Variants in THAP4 observed in about 807,000 individuals in gnomAD.
The protein encoded by THAP4 is THAP domain containing 4.
THAP4 carries 18 observed loss-of-function variants against 48.1 expected under a neutral mutation model. The ratio of observed to expected loss-of-function variants is 0.37; its 90% CI spans 0.26 to 0.56. The LOEUF (loss-of-function observed/expected upper bound fraction) is 0.56, where lower values mean the gene tolerates loss of function less well. THAP4 is among the 20% of genes least tolerant of loss of function. The pLI is 0.78. For synonymous variants in THAP4, 345 were observed against 324.9 expected (o/e 1.06, Z -0.66); for missense variants, 656 against 774.9 (o/e 0.85, Z 1.82).
chr2:241,623,785 A>C (rs1009421421), intron 2 of THAP4, among the ~76,000 whole-genome samples: 2 of 152,122 alleles, frequency 1.3e-5, no homozygotes, highest in South Asian at 4.1e-4. Context: ...ACCAAAACTC[A>C]CACAAGAAGA....
Position 241,631,554 on chromosome 2 carries a change from C to T in THAP4, c.1240+1363G>A, listed in dbSNP as rs1331879084. Among the ~76,000 whole-genome samples, 3 of 152,208 alleles carry T rather than the reference C, an allele frequency of 2.0e-5. No homozygotes were observed. The South Asian group carries it at 6.2e-4, about 31-fold the overall frequency. ...AATCACAGCTCACTACAGCCTCGAC[C>T]TCCCAGGCTCAAGCTATCCTTCTGC... On this transcript the variant is annotated intron_variant, in intron 2 of 5. Coordinates refer to ENST00000407315, the MANE Select transcript of THAP4 (RefSeq NM_015963.6).
chr2:241,632,255 G>A (rs2067574072), intron 2 of THAP4, among the ~76,000 whole-genome samples: 1 of 152,102 alleles, frequency 6.6e-6, no homozygotes, highest in Non-Finnish European at 1.5e-5. Flanking sequence ...ACCATGTGCA[G>A]CTAGTTTTTG....
In THAP4 at chr2:241,601,049, C is replaced by T. The variant is rs1300892561; in HGVS notation, c.1614+847G>A. On this transcript the variant is annotated intron_variant, in intron 5 of 5. Coordinates refer to ENST00000407315, the MANE Select transcript of THAP4 (RefSeq NM_015963.6). The surrounding 1 kb of genome is among the most constrained non-coding windows in gnomAD (Gnocchi z 4.0). ...ATCCCAGCACTTTGGGAGGCTGAGG[C>T]GGGTGGATCACCTGAAGTCAGGAAT... Among the ~76,000 whole-genome samples the T allele has an allele frequency of 3.3e-5, 5 of 152,060 alleles. No individual in the cohort carries two copies. The highest frequency in any genetic ancestry group is 5.9e-5 in the Non-Finnish European group (4 of 67,994).
intron 2 of THAP4, among the ~76,000 whole-genome samples, chr2:241,625,481 C>CAAAAAAA (rs67920958): frequency 3.4e-5 from 3 of 88,420 alleles, no homozygotes; most frequent in Non-Finnish European, 6.8e-5. Context: ...GACACTGTCT[C>CAAAAAAA]AAAAAAAAAA....
chr2:241,610,330 GC>G lies in THAP4; in HGVS notation c.1241-3858del, dbSNP rs2067251622. Among the ~76,000 whole-genome samples, 1 of 152,106 alleles carries G rather than the reference GC, an allele frequency of 6.6e-6. No homozygotes were observed. The highest frequency in any genetic ancestry group is 6.5e-5 in the Admixed American group (1 of 15,280). The stretch of plus-strand genomic sequence containing the variant: ...GCGCCGCATCTCCGCCCTCTCTTGC[GC>G]CTGCGGGACCGGGAGGGCCGCGCTC... On this transcript the variant is annotated intron_variant, in intron 2 of 5. Coordinates refer to ENST00000407315, the MANE Select transcript of THAP4 (RefSeq NM_015963.6). The surrounding 1 kb of genome is among the most constrained non-coding windows in gnomAD (Gnocchi z 4.2).
intron 2 of THAP4, among the ~76,000 whole-genome samples, chr2:241,631,823 A>G (rs1461088646): frequency 1.3e-5 from 2 of 152,130 alleles, no homozygotes; most frequent in Non-Finnish European, 2.9e-5. Context: ...ATGACAAACA[A>G]TAATTTTTTT....
At chr2:241,617,270 A>C (rs910314317) in intron 2 of THAP4, 10 of 659,040 alleles carry the variant, frequency 1.5e-5, no homozygotes, top group Non-Finnish European at 2.7e-5. Context: ...AATAAACCAG[A>C]CAGGCTTTTC....
At chr2:241,627,971 C>G (rs1056588728) in intron 2 of THAP4, among the ~76,000 whole-genome samples, 1 of 152,120 alleles carries the variant, frequency 6.6e-6, no homozygotes. Context: ...TGGCTCCTGT[C>G]TACTTGCCTC....
chr2:241,633,232 G>C lies in THAP4; in HGVS notation c.925C>G (p.Pro309Ala). ...TGCACGGCTTCCGTGGCTGGCTTTG[G>C]GGTGACGTCGGCAGGAGGGGCAGAG... Reference protein sequence around the residue: ...SPSAPPADVTPKPATEAVQSE... With the variant: ...SPSAPPADVTAKPATEAVQSE... The change falls in exon 2 of 6, where the codon CCA becomes GCA. Residue 309 changes from proline to alanine, a missense_variant. By Grantham distance (27) the Pro-to-Ala change is conservative. This residue lies in a region of THAP4 where 391 missense variants were observed against 412.4 expected (regional missense o/e 0.95). Coordinates refer to ENST00000407315, the MANE Select transcript of THAP4 (RefSeq NM_015963.6). This position sits in a 1 kb window ranked among gnomAD's most constrained non-coding sequence, Gnocchi z 7.5. 6.2e-7 allele frequency: 1 copy of C among 1,609,636 alleles called. No individual in the cohort carries two copies. The highest frequency in any genetic ancestry group is 8.5e-7 in the Non-Finnish European group (1 of 1,177,918).
At position 241,622,346 on chromosome 2, in the gene THAP4, G is replaced by A. The variant is rs372722665; in HGVS notation, c.1240+10571C>T. Reference sequence around the variant, plus strand: ...TCACGCCACTGCACCCCAGCCTGGCGACAGAGCAAGGCTCTGTCTCAAACA... The same window carrying A: ...TCACGCCACTGCACCCCAGCCTGGCAACAGAGCAAGGCTCTGTCTCAAACA... On this transcript the variant is annotated intron_variant, in intron 2 of 5. Coordinates refer to ENST00000407315, the MANE Select transcript of THAP4 (RefSeq NM_015963.6). Among the ~76,000 whole-genome samples, 4 of 152,066 alleles carry A rather than the reference G, an allele frequency of 2.6e-5. No homozygotes were observed. The South Asian group carries it at 6.2e-4, about 24-fold the overall frequency.
intron 5 of THAP4, among the ~76,000 whole-genome samples, chr2:241,593,072 C>T (rs2067005541): frequency 6.6e-6 from 1 of 152,004 alleles, no homozygotes; most frequent in Non-Finnish European, 1.5e-5. Flanking sequence ...GTGAGTCCCC[C>T]ATCTCTATTA....
At chr2:241,598,969 T>G (rs562667596) in intron 5 of THAP4, among the ~76,000 whole-genome samples, 12 of 151,284 alleles carry the variant, frequency 7.9e-5, no homozygotes, top group Admixed American at 2.0e-4. Flanking sequence ...AAAAAGGCTA[T>G]CCGGCTGGGC....
chr2:241,590,869 A>C, intron 5 of THAP4, among the ~76,000 whole-genome samples: 1 of 147,288 alleles, frequency 6.8e-6, no homozygotes, highest in African/African-American at 2.5e-5. Context: ...GGACACACAG[A>C]ACTGCCCGGC....
In THAP4 at chr2:241,600,245, T is replaced by C. The variant is rs145087108; in HGVS notation, c.1614+1651A>G. ...AAACAGACCCCTATATTTATGTGGA[T>C]GTGCTTTAATGTATGTATGACATTC... On this transcript the variant is annotated intron_variant, in intron 5 of 5. Coordinates refer to ENST00000407315, the MANE Select transcript of THAP4 (RefSeq NM_015963.6). Among the ~76,000 whole-genome samples, 50 of 152,232 alleles carry C rather than the reference T, an allele frequency of 3.3e-4. No homozygotes were observed. The East Asian group carries it at 8.1e-3, about 25-fold the overall frequency.
rs549868149 is a variant in THAP4 at position 241,619,739 on chromosome 2, G to A, written c.1240+13178C>T. Among the ~76,000 whole-genome samples, 6 of 142,898 alleles carry A rather than the reference G, an allele frequency of 4.2e-5. No individual in the cohort carries two copies. In the South Asian group the frequency reaches 1.4e-3, roughly 32 times the overall value. The allele number at this position is 142,898 out of a possible 152,430, so 93.7% of individuals were successfully genotyped here. Reference sequence around the variant, plus strand: ...GGGTGAGTGAGTCGGTGAGGGGTGAGTGAGGGGTGAGTGAGTTGGTGAGTG... The same window carrying A: ...GGGTGAGTGAGTCGGTGAGGGGTGAATGAGGGGTGAGTGAGTTGGTGAGTG... On this transcript the variant is annotated intron_variant, in intron 2 of 5. Coordinates refer to ENST00000407315, the MANE Select transcript of THAP4 (RefSeq NM_015963.6).
At chr2:241,595,941 A>G (rs1291987812) in intron 5 of THAP4, among the ~76,000 whole-genome samples, 1 of 152,190 alleles carries the variant, frequency 6.6e-6, no homozygotes, top group East Asian at 1.9e-4. Context: ...TGTCGCTACA[A>G]TGCGATGCTG....
chr2:241,602,905 CCT>C (rs1212337715), intron 4 of THAP4, 63 bp downstream of exon 4: 2 of 1,266,904 alleles, frequency 1.6e-6, no homozygotes, highest in East Asian at 2.3e-5. Flanking sequence ...TCCCTGCACC[CCT>C]GCTTCGAATG....
chr2:241,636,313 G>C (rs1398087457), intron 1 of THAP4, among the ~76,000 whole-genome samples: 1 of 152,226 alleles, frequency 6.6e-6, no homozygotes, highest in African/African-American at 2.4e-5. Context: ...TGCCTCCCGC[G>C]TGTAATCCGC....
At chr2:241,602,272 A>G (rs780487856) in intron 4 of THAP4, 1 of 519,526 alleles carries the variant, frequency 1.9e-6, no homozygotes, top group African/African-American at 1.9e-5. Context: ...AGCCTGGCAG[A>G]ACCACCCCTA....
Sources: gnomAD v4.1 joint callset for allele counts (sites outside exome capture counted in the v4.1 genomes callset) on GRCh38, gnomAD v4.1.1 for gene constraint, gnomAD v4.1.1 regional missense constraint, Gnocchi (gnomAD v3.1) non-coding constraint, MANE v1.5 for transcripts, NCBI Gene and HGNC (gene_info 2026-07-23, HGNC 2026-07-21) for gene names.